NPRL3: variants seen among roughly 807,000 people sequenced by gnomAD.
NPRL3 encodes NPR3 like, GATOR1 complex subunit.
In NPRL3, 23 loss-of-function variants were observed where a neutral mutation model predicts 57.2. That is an observed-to-expected ratio of 0.40 (90% CI 0.29 to 0.57). The LOEUF (loss-of-function observed/expected upper bound fraction) is 0.57. NPRL3 is among the 20% of genes least tolerant of loss of function. The probability of loss-of-function intolerance (pLI) is 0.42; values close to 1 mark genes in which losing one functional copy is unlikely to be tolerated. For missense variants in NPRL3, 691 were observed against 767.1 expected (o/e 0.90, Z 1.17); for synonymous variants, 333 against 321.1 (o/e 1.04, Z -0.39).
At position 138,270 on chromosome 16, in the gene NPRL3, C is replaced by G; in HGVS notation, c.-3G>C. On this transcript the variant is annotated 5_prime_UTR_variant, in exon 2 of 14. Coordinates refer to ENST00000611875, the MANE Select transcript of NPRL3 (RefSeq NM_001077350.3). ...ATGGGGCTGGTGTTGTCCCGCATCC[C>G]GCCGTGGGGCCGGGGCCGGGGGCGG... 1.3e-6 allele frequency: 2 copies of G among 1,594,534 alleles called. No homozygotes were observed. Among genetic ancestry groups the G allele is most frequent in the South Asian group, 1.1e-5 (1 of 88,076 alleles).
At chr16:104,487 G>A (rs1395752422) in intron 7 of NPRL3, among the ~76,000 whole-genome samples, 1 of 152,156 alleles carries the variant, frequency 6.6e-6, no homozygotes, top group East Asian at 1.9e-4. Context: ...TTCTTCTAGT[G>A]ACTTCCCAGC....
chr16:135,687 T>C (rs531736837), intron 2 of NPRL3, among the ~76,000 whole-genome samples: 1 of 151,968 alleles, frequency 6.6e-6, no homozygotes, highest in South Asian at 2.1e-4. Flanking sequence ...GTTAATAATT[T>C]TGGAGAGCAA....
Position 85,709 on chromosome 16 carries a change from T to C in NPRL3, c.*996A>G. ...GGAGTGGGCCCGGAAACCCCTCCGC[T>C]TCTATGTCCGGGGCAGCCCCTGGGT... On this transcript the variant is annotated 3_prime_UTR_variant, in exon 14 of 14. Transcript: ENST00000611875. 4 of 1,537,944 alleles carry C rather than the reference T, an allele frequency of 2.6e-6. No individual in the cohort carries two copies. The highest frequency in any genetic ancestry group is 1.4e-5 in the African/African-American group (1 of 73,078).
intron 3 of NPRL3, among the ~76,000 whole-genome samples, chr16:121,608 A>C (rs1900282796): frequency 7.3e-6 from 1 of 136,198 alleles, no homozygotes; most frequent in Non-Finnish European, 1.6e-5. Flanking sequence ...TGACAGAGCG[A>C]AACTCCGTCT....
chr16:104,543 G>C (rs185851731), intron 7 of NPRL3, among the ~76,000 whole-genome samples: 2 of 152,136 alleles, frequency 1.3e-5, no homozygotes, highest in Non-Finnish European at 2.9e-5. Context: ...CCTTGGAGCC[G>C]CAGTCATGTG....
At chr16:117,403 T>C (rs763025409) in intron 4 of NPRL3, 28 bp from the exon 5 acceptor site, 2 of 1,506,154 alleles carry the variant, frequency 1.3e-6, no homozygotes, top group South Asian at 2.3e-5. Context: ...TTCTAATTAA[T>C]TGAGACGACT....
At chr16:100,041 A>G (rs1899210371) in intron 8 of NPRL3, among the ~76,000 whole-genome samples, 1 of 151,920 alleles carries the variant, frequency 6.6e-6, no homozygotes, top group South Asian at 2.1e-4. Flanking sequence ...TGAAATGCAA[A>G]AGACTGGGGT....
chr16:94,256 A>C (rs1344858757), intron 9 of NPRL3, among the ~76,000 whole-genome samples: 1 of 152,152 alleles, frequency 6.6e-6, no homozygotes, highest in African/African-American at 2.4e-5. Context: ...AGGAAAGCTC[A>C]GGCCTGAGGT....
Position 85,938 on chromosome 16 carries a change from A to T in NPRL3, c.*767T>A, listed in dbSNP as rs557561979. ...ACGAGAGCTGGGGGCCTGAGTACGT[A>T]GCGCCAGGCCCGGTGTGGATGCTGG... On this transcript the variant is annotated 3_prime_UTR_variant, in exon 14 of 14. Coordinates refer to ENST00000611875, the MANE Select transcript of NPRL3 (RefSeq NM_001077350.3). 6.8e-5 allele frequency: 57 copies of T among 837,482 alleles called. No homozygotes were observed. In the African/African-American group the frequency reaches 7.9e-4, roughly 12 times the overall value. The allele number at this position is 837,482 out of a possible 1,614,324, so 51.9% of individuals were successfully genotyped here.
intron 7 of NPRL3, among the ~76,000 whole-genome samples, chr16:104,960 C>A (rs558320695): frequency 6.6e-6 from 1 of 152,330 alleles, no homozygotes; most frequent in South Asian, 2.1e-4. Context: ...AGCTTTAAGA[C>A]AAGAGCCCTT....
rs1322033733 is a variant in NPRL3 at position 114,759 on chromosome 16, T to A, written c.394-1984A>T. On this transcript the variant is annotated intron_variant, in intron 5 of 13. Coordinates refer to ENST00000611875, the MANE Select transcript of NPRL3 (RefSeq NM_001077350.3). Reference sequence around the variant, plus strand: ...AATTTTTTCAGATGTACAAAGGGTATCATGGCCGAAAATTAAGTGCCCATA... The same window carrying A: ...AATTTTTTCAGATGTACAAAGGGTAACATGGCCGAAAATTAAGTGCCCATA... Among the ~76,000 whole-genome samples the A allele has an allele frequency of 2.6e-5, 4 of 152,166 alleles. No homozygotes were observed. The South Asian group carries it at 8.3e-4, about 32-fold the overall frequency.
chr16:137,773 C>T (rs1030021466), intron 2 of NPRL3, among the ~76,000 whole-genome samples: 13 of 151,864 alleles, frequency 8.6e-5, no homozygotes, highest in African/African-American at 3.1e-4. Flanking sequence ...CCATGTTGGC[C>T]AGGCTGGTCT....
rs541690579 is a variant in NPRL3 at position 85,546 on chromosome 16, C to T, written c.*1159G>A. On this transcript the variant is annotated 3_prime_UTR_variant, in exon 14 of 14. Transcript: ENST00000611875. ...TCTGCAGTGGCCCCTCCAAGCTGTG[C>T]CAGGCCCTGGCCATCAACAAGAGCT... 2 of 1,613,396 alleles carry T rather than the reference C, an allele frequency of 1.2e-6. No individual in the cohort carries two copies. Among genetic ancestry groups the T allele is most frequent in the South Asian group, 2.2e-5 (2 of 91,084 alleles).
At chr16:126,678 C>T (rs1216814071) in intron 3 of NPRL3, among the ~76,000 whole-genome samples, 1 of 152,068 alleles carries the variant, frequency 6.6e-6, no homozygotes, top group East Asian at 1.9e-4. Flanking sequence ...TCTGCCCCTA[C>T]CAGTGGTGGG....
intron 8 of NPRL3, among the ~76,000 whole-genome samples, 173 bp downstream of exon 8, chr16:100,199 G>A (rs1435621846): frequency 6.6e-6 from 1 of 151,970 alleles, no homozygotes; most frequent in African/African-American, 2.4e-5. Context: ...GGACACAACT[G>A]GATACAAAAT....
At chr16:114,099 A>G (rs1372143531) in intron 5 of NPRL3, among the ~76,000 whole-genome samples, 2 of 152,218 alleles carry the variant, frequency 1.3e-5, no homozygotes, top group Admixed American at 6.5e-5. Flanking sequence ...CTGTGTACAA[A>G]TACTTCCACG....
intron 5 of NPRL3, among the ~76,000 whole-genome samples, chr16:113,203 C>T (rs1899891985): frequency 6.6e-6 from 1 of 152,244 alleles, no homozygotes; most frequent in African/African-American, 2.4e-5. Context: ...GTGGTCACCA[C>T]TGTACTGCTG....
At chr16:121,240 C>T (rs979601476) in intron 3 of NPRL3, among the ~76,000 whole-genome samples, 1 of 152,140 alleles carries the variant, frequency 6.6e-6, no homozygotes. Flanking sequence ...CTTCAAGGCG[C>T]CCTCACAACA....
Position 86,325 on chromosome 16 carries a change from A to C in NPRL3, c.*380T>G, listed in dbSNP as rs1294742507. 4.7e-6 allele frequency: 1 copy of C among 214,498 alleles called. No homozygotes were observed. Among genetic ancestry groups the C allele is most frequent in the African/African-American group, 2.3e-5 (1 of 44,210 alleles). 13.3% of individuals were successfully genotyped at this position (214,498 alleles called of 1,614,324 possible). Reference sequence around the variant, plus strand: ...TCTGCACATTCTTCAGGGTGGCCACAGACTGGGGGGTCCAAGGAGCAGGTG... The same window carrying C: ...TCTGCACATTCTTCAGGGTGGCCACCGACTGGGGGGTCCAAGGAGCAGGTG... On this transcript the variant is annotated 3_prime_UTR_variant, in exon 14 of 14. Coordinates refer to ENST00000611875, the MANE Select transcript of NPRL3 (RefSeq NM_001077350.3).
Sources: gnomAD v4.1 joint callset for allele counts (sites outside exome capture counted in the v4.1 genomes callset) on GRCh38, gnomAD v4.1.1 for gene constraint, MANE v1.5 for transcripts, NCBI Gene and HGNC (gene_info 2026-07-23, HGNC 2026-07-21) for gene names.